Variants in MYO9A observed in about 807,000 individuals in gnomAD.
MYO9A encodes the protein myosin IXA.
Under a neutral mutation model 293.3 loss-of-function variants are expected in MYO9A, and 103 were observed. That is an observed-to-expected ratio of 0.35 (90% CI 0.30 to 0.41). MYO9A has a LOEUF of 0.41. Ranked by LOEUF, MYO9A falls within the 10% of genes least tolerant of loss-of-function variation. The probability of loss-of-function intolerance (pLI) is 1.00; values close to 1 mark genes in which losing one functional copy is unlikely to be tolerated. For synonymous variants in MYO9A, 1,001 were observed against 1,035.7 expected (o/e 0.97, Z 0.64); for missense variants, 2,685 against 3,033.0 (o/e 0.89, Z 2.69).
intron 11 of MYO9A, among the ~76,000 whole-genome samples, chr15:71,982,589 A>C (rs1388090631): frequency 6.6e-6 from 1 of 152,212 alleles, no homozygotes; most frequent in Non-Finnish European, 1.5e-5. Flanking sequence ...TTAATTGATT[A>C]GGTTTCAGGC....
chr15:71,987,085 G>A (rs918188960), intron 11 of MYO9A, among the ~76,000 whole-genome samples: 1 of 152,068 alleles, frequency 6.6e-6, no homozygotes, highest in Non-Finnish European at 1.5e-5. Flanking sequence ...TTGTGTTGCA[G>A]TTGCCTACAA....
chr15:72,066,668 G>C (rs554556555), intron 1 of MYO9A, among the ~76,000 whole-genome samples: 1 of 152,092 alleles, frequency 6.6e-6, no homozygotes, highest in Non-Finnish European at 1.5e-5. Flanking sequence ...GCCTTACAAA[G>C]TTTTATAAAC....
At chr15:72,074,423 AAACAAC>A (rs904398554) in intron 1 of MYO9A, among the ~76,000 whole-genome samples, 1 of 152,204 alleles carries the variant, frequency 6.6e-6, no homozygotes, top group Non-Finnish European at 1.5e-5. Context: ...AGTCTGAAAA[AAACAAC>A]AACAACAACA....
chr15:71,845,940 G>A (rs1304228522), intron 39 of MYO9A, among the ~76,000 whole-genome samples: 1 of 152,184 alleles, frequency 6.6e-6, no homozygotes, highest in East Asian at 1.9e-4. Context: ...TTCTTCTTGA[G>A]TACGTGGTTT....
At chr15:72,014,522 C>T (rs971951021) in intron 6 of MYO9A, among the ~76,000 whole-genome samples, 14 of 152,010 alleles carry the variant, frequency 9.2e-5, no homozygotes, top group Non-Finnish European at 1.9e-4. Flanking sequence ...CCTATCTCTA[C>T]TAAAAATACA....
intron 39 of MYO9A, 98 bp from the exon 40 acceptor site, chr15:71,830,409 GA>G: frequency 9.0e-7 from 1 of 1,110,802 alleles, no homozygotes; most frequent in East Asian, 2.5e-5. Flanking sequence ...CACACCAGGT[GA>G]ATGATAAGAA....
intron 26 of MYO9A, chr15:71,892,892 G>C: frequency 1.0e-6 from 1 of 970,752 alleles, no homozygotes; most frequent in Non-Finnish European, 1.3e-6. Flanking sequence ...AGCTGTGAAG[G>C]TTAGCTTTAG....
At chr15:72,034,330 C>T (rs539274764) in intron 2 of MYO9A, among the ~76,000 whole-genome samples, 1 of 152,280 alleles carries the variant, frequency 6.6e-6, no homozygotes, top group East Asian at 1.9e-4. Flanking sequence ...TGACAACCAC[C>T]GCTCTACTTA....
intron 34 of MYO9A, 72 bp from the exon 35 acceptor site, chr15:71,854,641 C>T (rs2055792270): frequency 2.4e-6 from 3 of 1,228,336 alleles, no homozygotes; most frequent in Non-Finnish European, 3.3e-6. Flanking sequence ...ATTTCTTTAC[C>T]AGGAGCTACT....
chr15:71,972,309 C>T (rs907145833), intron 12 of MYO9A: 1 of 152,202 alleles, frequency 6.6e-6, no homozygotes, highest in African/African-American at 2.4e-5. Context: ...CCCTACACAT[C>T]TCTTCATTGT....
intron 1 of MYO9A, among the ~76,000 whole-genome samples, chr15:72,066,548 C>A (rs1425274326): frequency 6.6e-6 from 1 of 151,430 alleles, no homozygotes; most frequent in Non-Finnish European, 1.5e-5. Context: ...ACTAAATTAT[C>A]CCATTTATAT....
chr15:71,898,510 C>A lies in MYO9A; in HGVS notation c.3993G>T (p.Leu1331Phe). The A allele has an allele frequency of 6.2e-7, 1 of 1,614,016 alleles. No individual in the cohort carries two copies. Among genetic ancestry groups the A allele is most frequent in the Non-Finnish European group, 8.5e-7 (1 of 1,180,022 alleles). The change falls in exon 25 of 42, where the codon TTG becomes TTT. Residue 1331 changes from leucine (L) to phenylalanine (F), a missense_variant. Physicochemically the swap from Leu to Phe is conservative, Grantham distance 22 (BLOSUM62 0). Around this residue, in one of 10 missense-constraint regions of MYO9A, gnomAD observed 1,434 missense variants for 1,497.7 expected, o/e 0.96. Coordinates refer to ENST00000356056, the MANE Select transcript of MYO9A (RefSeq NM_006901.4). ...TPDSESSQGS[L>F]ELLSYEESQK... Reference sequence around the variant, plus strand: ...GGCTTTCCTCATAGCTCAGAAGTTCCAAGCTTCCTTGAGAGCTCTCACTAT... The same window carrying A: ...GGCTTTCCTCATAGCTCAGAAGTTCAAAGCTTCCTTGAGAGCTCTCACTAT...
chr15:72,072,102 T>A (rs1208158084), intron 1 of MYO9A, among the ~76,000 whole-genome samples: 3 of 149,034 alleles, frequency 2.0e-5, no homozygotes, highest in African/African-American at 7.4e-5. Flanking sequence ...ATATATAATA[T>A]ACATAAAAGA....
chr15:71,932,790 T>C (rs1254521617), intron 18 of MYO9A, among the ~76,000 whole-genome samples: 3 of 152,162 alleles, frequency 2.0e-5, no homozygotes, highest in Admixed American at 6.5e-5. Context: ...CATGTAATTA[T>C]TTTGAGATTC....
intron 1 of MYO9A, among the ~76,000 whole-genome samples, chr15:72,084,470 CG>C (rs1328392676): frequency 6.6e-6 from 1 of 152,094 alleles, no homozygotes; most frequent in Non-Finnish European, 1.5e-5. Flanking sequence ...AGCCTGTTTA[CG>C]TTCAAGGTTA....
intron 33 of MYO9A, among the ~76,000 whole-genome samples, chr15:71,860,215 GGAA>G (rs1479009154): frequency 1.3e-5 from 2 of 152,130 alleles, no homozygotes; most frequent in Non-Finnish European, 2.9e-5. Context: ...CTATAGATAA[GGAA>G]GGCATTACTG....
chr15:72,067,243 A>T (rs569663874), intron 1 of MYO9A, among the ~76,000 whole-genome samples: 1 of 151,228 alleles, frequency 6.6e-6, no homozygotes, highest in Non-Finnish European at 1.5e-5. Flanking sequence ...ATCACTAAAT[A>T]CCTGAGAAAA....
chr15:71,995,647 A>T (rs1396214978), intron 9 of MYO9A, among the ~76,000 whole-genome samples: 1 of 152,046 alleles, frequency 6.6e-6, no homozygotes, highest in African/African-American at 2.4e-5. Context: ...CTAGTAATTT[A>T]CATATTTATT....
At chr15:72,013,313 T>C (rs1284358370) in intron 6 of MYO9A, among the ~76,000 whole-genome samples, 3 of 152,238 alleles carry the variant, frequency 2.0e-5, no homozygotes, top group African/African-American at 7.2e-5. Context: ...TGAAGACTTC[T>C]GGAGAGGGAG....
Sources: allele counts gnomAD v4.1 joint callset (sites outside exome capture counted in the v4.1 genomes callset), GRCh38; gene constraint gnomAD v4.1.1; regional missense constraint gnomAD v4.1.1; transcripts MANE v1.5; gene names NCBI Gene and HGNC (gene_info 2026-07-23, HGNC 2026-07-21).